The following DLEU7 variants were observed in gnomAD, a reference collection of about 807,000 sequenced individuals.
DLEU7 encodes the protein leukemia-associated protein 7.
Under a neutral mutation model 16.0 loss-of-function variants are expected in DLEU7, and 17 were observed. That is an observed-to-expected ratio of 1.06 (90% CI 0.73 to 1.59). The LOEUF (loss-of-function observed/expected upper bound fraction) is 1.59, where lower values mean the gene tolerates loss of function less well. DLEU7 is among the 40% of genes most tolerant of loss of function. DLEU7 has a pLI of 0.00. For missense variants in DLEU7, 308 were observed against 314.9 expected, an observed-to-expected ratio of 0.98 and a Z score of 0.17; for synonymous variants, 113 against 139.8, an observed-to-expected ratio of 0.81 and a Z score of 1.35.
intron 1 of DLEU7, among the ~76,000 whole-genome samples, chr13:50,835,667 G>A (rs1877432907): frequency 6.6e-6 from 1 of 152,174 alleles, no homozygotes. Flanking sequence ...CCCAGCTGGA[G>A]GTTTCCTTTC....
At chr13:50,834,637 T>C (rs1350200834) in intron 1 of DLEU7, among the ~76,000 whole-genome samples, 1 of 152,156 alleles carries the variant, frequency 6.6e-6, no homozygotes, top group Non-Finnish European at 1.5e-5. Context: ...AGTGTGGTGA[T>C]TCCTCAAGGA....
At chr13:50,832,154 A>G (rs907942112) in intron 1 of DLEU7, among the ~76,000 whole-genome samples, 3 of 152,128 alleles carry the variant, frequency 2.0e-5, no homozygotes, top group African/African-American at 7.2e-5. Flanking sequence ...TACTGCCTCA[A>G]TTTCAGAACT....
chr13:50,750,442 T>C (rs1874528372), intron 1 of DLEU7, among the ~76,000 whole-genome samples: 1 of 152,152 alleles, frequency 6.6e-6, no homozygotes, highest in Non-Finnish European at 1.5e-5. Context: ...CCATATGAAT[T>C]TTAGAATTTT....
At chr13:50,763,898 C>T (rs1305485955) in intron 1 of DLEU7, among the ~76,000 whole-genome samples, 2 of 152,206 alleles carry the variant, frequency 1.3e-5, no homozygotes, top group African/African-American at 4.8e-5. Flanking sequence ...CTAAGTGAGA[C>T]AGTGTCTGTG....
At chr13:50,722,277 T>C (rs75769694) in intron 1 of DLEU7, among the ~76,000 whole-genome samples, 25 of 152,318 alleles carry the variant, frequency 1.6e-4, no homozygotes, top group African/African-American at 6.0e-4. Context: ...CCTGTGTTTC[T>C]GTATCATTAT....
Position 50,843,103 on chromosome 13 carries a change from C to T in DLEU7, c.459+85G>A. 7.7e-7 allele frequency: 1 copy of T among 1,291,068 alleles called. No homozygotes were observed. Among genetic ancestry groups the T allele is most frequent in the Non-Finnish European group, 1.0e-6 (1 of 961,622 alleles). 80.0% of individuals were successfully genotyped at this position (1,291,068 alleles called of 1,614,324 possible). A position where few individuals can be genotyped will look rare whatever the true frequency, so the allele number is the denominator to read the frequency against. Reference sequence around the variant, plus strand: ...CAGCAGTGTTTGGGATCCTGCGATCCACCCATCGCCATCCCAGCAGCCCCA... The same window carrying T: ...CAGCAGTGTTTGGGATCCTGCGATCTACCCATCGCCATCCCAGCAGCCCCA... On this transcript the variant is annotated intron_variant, in intron 1 of 1. Transcript: ENST00000504404. This position sits in a 1 kb window ranked among gnomAD's most constrained non-coding sequence, Gnocchi z 5.7.
intron 1 of DLEU7, among the ~76,000 whole-genome samples, chr13:50,807,053 G>T (rs573001903): frequency 1.4e-5 from 2 of 147,736 alleles, no homozygotes; most frequent in East Asian, 3.9e-4. Flanking sequence ...GTCTGCCTCC[G>T]CAAACTTTAG....
chr13:50,729,423 AG>A (rs1873857403), intron 1 of DLEU7, among the ~76,000 whole-genome samples: 1 of 151,996 alleles, frequency 6.6e-6, no homozygotes, highest in Non-Finnish European at 1.5e-5. Context: ...TTTTTTATTC[AG>A]TCTACTATTG....
chr13:50,843,293 G>T lies in DLEU7; in HGVS notation c.354C>A (p.Arg118=). Residue 118 remains arginine (R), a synonymous_variant, in exon 1 of 2, where the codon CGC becomes CGA. Coordinates refer to ENST00000504404, the MANE Select transcript of DLEU7 (RefSeq NM_001306135.2). This position sits in a 1 kb window ranked among gnomAD's most constrained non-coding sequence, Gnocchi z 5.7. ...AGTCCACCACGCGGGCCAGCGCGCTGCGCATCGCCATCTGGGCCAGGGTGC... is the reference window on the plus strand; with the variant it reads ...AGTCCACCACGCGGGCCAGCGCGCTTCGCATCGCCATCTGGGCCAGGGTGC... ...GPCTLAQMAM[R]SALARVVDST... The T allele has an allele frequency of 6.4e-7, 1 of 1,560,076 alleles. No individual in the cohort carries two copies. Among genetic ancestry groups the T allele is most frequent in the Non-Finnish European group, 8.7e-7 (1 of 1,153,488 alleles).
intron 1 of DLEU7, among the ~76,000 whole-genome samples, chr13:50,834,549 C>G (rs923404826): frequency 2.6e-5 from 4 of 152,024 alleles, no homozygotes; most frequent in African/African-American, 9.7e-5. Flanking sequence ...ACAACATATG[C>G]GGGAGAGTAT....
intron 1 of DLEU7, among the ~76,000 whole-genome samples, chr13:50,736,348 C>T (rs77372587): frequency 1.6e-4 from 24 of 151,848 alleles, no homozygotes; most frequent in African/African-American, 5.3e-4. Context: ...CTGGGGCCTA[C>T]TTGAGGGTGG....
At chr13:50,837,911 G>A (rs1415736151) in intron 1 of DLEU7, among the ~76,000 whole-genome samples, 2 of 152,188 alleles carry the variant, frequency 1.3e-5, no homozygotes, top group Admixed American at 1.3e-4. Context: ...TGACAAGGAA[G>A]GGAAGGATGC....
chr13:50,832,176 T>A (rs1877293528), intron 1 of DLEU7, among the ~76,000 whole-genome samples: 1 of 152,228 alleles, frequency 6.6e-6, no homozygotes, highest in Admixed American at 6.5e-5. Context: ...AATATTGATC[T>A]ATTCAGGGAT....
chr13:50,763,967 A>G (rs1342550942), intron 1 of DLEU7, among the ~76,000 whole-genome samples: 1 of 152,198 alleles, frequency 6.6e-6, no homozygotes, highest in Non-Finnish European at 1.5e-5. Context: ...TTACTGATGA[A>G]ACAAAGTAAG....
intron 1 of DLEU7, among the ~76,000 whole-genome samples, chr13:50,806,936 CA>C (rs1876405239): frequency 7.8e-6 from 1 of 128,588 alleles, no homozygotes; most frequent in African/African-American, 3.8e-5. Context: ...GAGCTAGACT[CA>C]CTGCACTCTA....
At chr13:50,777,701 T>G (rs1875545564) in intron 1 of DLEU7, among the ~76,000 whole-genome samples, 1 of 152,204 alleles carries the variant, frequency 6.6e-6, no homozygotes, top group Non-Finnish European at 1.5e-5. Context: ...CACAATCCAT[T>G]GTTTAAAGTA....
intron 1 of DLEU7, among the ~76,000 whole-genome samples, chr13:50,736,242 AAC>A (rs1874066136): frequency 6.6e-6 from 1 of 152,126 alleles, no homozygotes; most frequent in Admixed American, 6.6e-5. Flanking sequence ...TTAGCAAAGT[AAC>A]ACAGGAACAG....
At chr13:50,786,185 C>T (rs1013419466) in intron 1 of DLEU7, among the ~76,000 whole-genome samples, 1 of 152,142 alleles carries the variant, frequency 6.6e-6, no homozygotes, top group Non-Finnish European at 1.5e-5. Flanking sequence ...TGGGCCTGAA[C>T]CCCATCATCA....
chr13:50,835,368 G>A (rs1024607220), intron 1 of DLEU7, among the ~76,000 whole-genome samples: 9 of 152,130 alleles, frequency 5.9e-5, no homozygotes, highest in Non-Finnish European at 1.2e-4. Flanking sequence ...GGAAGCAAGT[G>A]GGAGAAGCAC....
Sources: gnomAD v4.1 joint callset for allele counts (sites outside exome capture counted in the v4.1 genomes callset) on GRCh38, gnomAD v4.1.1 for gene constraint, Gnocchi (gnomAD v3.1) non-coding constraint, MANE v1.5 for transcripts, NCBI Gene and HGNC (gene_info 2026-07-23, HGNC 2026-07-21) for gene names.